Variants in ADCY9 observed in about 807,000 individuals in gnomAD.
ADCY9 encodes adenylate cyclase type 9.
Under a neutral mutation model 101.5 loss-of-function variants are expected in ADCY9, and 50 were observed. The observed-to-expected ratio is 0.49, with a 90% confidence interval of 0.39 to 0.62. The LOEUF is 0.62. Ranked by LOEUF, ADCY9 falls within the 20% of genes least tolerant of loss-of-function variation. ADCY9 has a pLI of 0.00. For synonymous variants in ADCY9, 905 were observed against 769.3 expected (o/e 1.18, Z -2.92); for missense variants, 1,662 against 1,800.4 (o/e 0.92, Z 1.39).
chr16:4,018,090 C>A (rs1200032021), intron 2 of ADCY9, among the ~76,000 whole-genome samples: 1 of 152,226 alleles, frequency 6.6e-6, no homozygotes, highest in African/African-American at 2.4e-5. Flanking sequence ...GGTGGTTATA[C>A]CTGCACTGAC....
In ADCY9 at chr16:3,977,936, C is replaced by T. The variant is rs201832668; in HGVS notation, c.2680-306G>A. Among the ~76,000 whole-genome samples the T allele has an allele frequency of 1.8e-4, 27 of 152,214 alleles. No homozygotes were observed. The East Asian group carries it at 2.7e-3, about 15-fold the overall frequency. On this transcript the variant is annotated intron_variant, in intron 8 of 10. Transcript: ENST00000294016. Reference sequence around the variant, plus strand: ...TTCACCATGTTGGCCAGGCTGGTCTCGAACTCCTGACCTCAGGTGATCCAC... The same window carrying T: ...TTCACCATGTTGGCCAGGCTGGTCTTGAACTCCTGACCTCAGGTGATCCAC...
intron 2 of ADCY9, among the ~76,000 whole-genome samples, chr16:4,103,483 G>C (rs2057056962): frequency 6.6e-6 from 1 of 152,210 alleles, no homozygotes; most frequent in Admixed American, 6.5e-5. Context: ...CCCTCAGCTT[G>C]TCCTTCACTA....
chr16:3,983,864 G>C, intron 6 of ADCY9: 1 of 174,872 alleles, frequency 5.7e-6, no homozygotes, highest in Non-Finnish European at 1.2e-5. Flanking sequence ...GTTTCAGGCC[G>C]CAGTGAGCTA....
At chr16:4,097,839 A>T (rs1485290281) in intron 2 of ADCY9, among the ~76,000 whole-genome samples, 1 of 151,334 alleles carries the variant, frequency 6.6e-6, no homozygotes, top group Non-Finnish European at 1.5e-5. Flanking sequence ...GAGCCACCAT[A>T]CCAGGCTTAT....
rs2057131681 is a variant in ADCY9, at chr16:4,114,140, A to C, written c.1303T>G (p.Cys435Gly). ...TCTCCCAGGGTGCTGATTTTCTCACACTTGGTCTCCTCACACAGGCGGTCG... is the reference window on the plus strand; with the variant it reads ...TCTCCCAGGGTGCTGATTTTCTCACCCTTGGTCTCCTCACACAGGCGGTCG... The part of the protein sequence containing the change: ...RFDRLCEETK[C>G]EKISTLGDCY... The change falls in exon 2 of 11, where the codon TGT (cysteine) becomes GGT (glycine). Residue 435 changes from cysteine to glycine, a missense_variant. Physicochemically the swap from Cys to Gly is radical, Grantham distance 159 (BLOSUM62 -3). Coordinates refer to ENST00000294016, the MANE Select transcript of ADCY9 (RefSeq NM_001116.4). The surrounding 1 kb of genome is among the most constrained non-coding windows in gnomAD (Gnocchi z 4.3). 1 of 1,613,682 alleles carries C rather than the reference A, an allele frequency of 6.2e-7. No individual in the cohort carries two copies. Among genetic ancestry groups the C allele is most frequent in the South Asian group, 1.1e-5 (1 of 91,090 alleles).
intron 3 of ADCY9, among the ~76,000 whole-genome samples, chr16:3,998,010 C>T (rs113793753): frequency 3.3e-5 from 5 of 152,320 alleles, no homozygotes; most frequent in African/African-American, 9.6e-5. Flanking sequence ...AGGAGAGTCG[C>T]TTGGACCCGG....
In ADCY9 at chr16:4,007,352, A is replaced by C. The variant is rs1255644046; in HGVS notation, c.1884+16T>G. ...GAAAGTTTTAGAAGTAGGAAAAAAA[A>C]AACAAAAAAACTAACCTTAAGGTTA... On this transcript the variant is annotated intron_variant, in intron 3 of 10. Transcript: ENST00000294016. 1 of 1,518,784 alleles carries C rather than the reference A, an allele frequency of 6.6e-7. No individual in the cohort carries two copies. Among genetic ancestry groups the C allele is most frequent in the African/African-American group, 1.4e-5 (1 of 71,244 alleles). 94.1% of individuals were successfully genotyped at this position (1,518,784 alleles called of 1,614,324 possible).
chr16:4,051,363 A>G (rs1205094836), intron 2 of ADCY9, among the ~76,000 whole-genome samples: 2 of 151,948 alleles, frequency 1.3e-5, no homozygotes, highest in Admixed American at 1.3e-4. Flanking sequence ...GTCTCTACTA[A>G]AAATACAAAA....
chr16:4,011,327 G>A (rs2056402999), intron 2 of ADCY9, among the ~76,000 whole-genome samples: 1 of 152,174 alleles, frequency 6.6e-6, no homozygotes, highest in Non-Finnish European at 1.5e-5. Context: ...CCTGTGCAGG[G>A]CACTGTGTGG....
chr16:4,055,833 C>CA lies in ADCY9; in HGVS notation c.1694-48276dup, dbSNP rs796893971. 3.3e-3 allele frequency among the ~76,000 whole-genome samples: 438 copies of CA among 132,476 alleles called. 1 individual carries two copies. The highest frequency in any genetic ancestry group is 9.2e-3 in the African/African-American group (329 of 35,944). The allele number at this position is 132,476 out of a possible 152,430, so 86.9% of individuals were successfully genotyped here. ...TGGGCGACAGAGCGAGGATCCGTTT[C>CA]AAAAAAAAAAAAAGATACCTTTTGG... On this transcript the variant is annotated intron_variant, in intron 2 of 10. Coordinates refer to ENST00000294016, the MANE Select transcript of ADCY9 (RefSeq NM_001116.4).
At chr16:4,057,464 A>T (rs903914214) in intron 2 of ADCY9, among the ~76,000 whole-genome samples, 8 of 152,074 alleles carry the variant, frequency 5.3e-5, no homozygotes, top group African/African-American at 1.2e-4. Flanking sequence ...CTGCAGTGAC[A>T]CCATCATCCT....
chr16:3,966,860 C>G lies in ADCY9; in HGVS notation c.2977G>C (p.Val993Leu). ...VLVFFLLLLL[V>L]WFLNREFEVS... is the part of the protein sequence containing the mutation. Reference sequence around the variant, plus strand: ...TCAAATTCGCGATTCAGGAACCAGACCAACAAGAGCAGGAGAAAGAAGACG... The same window carrying G: ...TCAAATTCGCGATTCAGGAACCAGAGCAACAAGAGCAGGAGAAAGAAGACG... Residue 993 changes from valine (V) to leucine (L), a missense_variant, in exon 11 of 11, where the codon GTC (valine) becomes CTC (leucine). Physicochemically the swap from Val to Leu is conservative, Grantham distance 32. Coordinates refer to ENST00000294016, the MANE Select transcript of ADCY9 (RefSeq NM_001116.4). The G allele has an allele frequency of 6.2e-7, 1 of 1,614,208 alleles. No homozygotes were observed. Among genetic ancestry groups the G allele is most frequent in the Non-Finnish European group, 8.5e-7 (1 of 1,180,050 alleles).
chr16:4,027,198 G>C (rs923197885), intron 2 of ADCY9, among the ~76,000 whole-genome samples: 1 of 152,212 alleles, frequency 6.6e-6, no homozygotes, highest in Non-Finnish European at 1.5e-5. Context: ...GCTCCTGCTC[G>C]AGCCTGCTCC....
chr16:3,972,689 C>A (rs540541221), intron 10 of ADCY9, among the ~76,000 whole-genome samples: 3 of 152,276 alleles, frequency 2.0e-5, no homozygotes, highest in African/African-American at 7.2e-5. Flanking sequence ...CCTAACCAGC[C>A]AAACGTGGCT....
At position 4,114,064 on chromosome 16, in the gene ADCY9, T is replaced by C. The variant is rs1243169687; in HGVS notation, c.1379A>G (p.Tyr460Cys). 1.9e-6 allele frequency: 3 copies of C among 1,613,844 alleles called. No homozygotes were observed. Among genetic ancestry groups the C allele is most frequent in the South Asian group, 1.1e-5 (1 of 91,082 alleles). Reference protein sequence around the residue: ...GCPEPRADHAYCCIEMGLGMI... With the variant: ...GCPEPRADHACCCIEMGLGMI... ...GCCCAGGCCCATCTCGATGCAGCAGTAGGCATGGTCGGCCCGGGGCTCGGG... is the reference window on the plus strand; with the variant it reads ...GCCCAGGCCCATCTCGATGCAGCAGCAGGCATGGTCGGCCCGGGGCTCGGG... Residue 460 changes from tyrosine (Y) to cysteine (C), a missense_variant, in exon 2 of 11, where the codon TAC becomes TGC. Around this residue, in one of 5 missense-constraint regions of ADCY9, gnomAD observed 228 missense variants for 301.1 expected, o/e 0.76. Transcript: ENST00000294016. This position sits in a 1 kb window ranked among gnomAD's most constrained non-coding sequence, Gnocchi z 4.3.
chr16:4,057,053 G>T (rs1383716862), intron 2 of ADCY9, among the ~76,000 whole-genome samples: 1 of 61,146 alleles, frequency 1.6e-5, no homozygotes, highest in South Asian at 4.7e-4. Flanking sequence ...CCCCCCCCCC[G>T]CCAATCTTAC....
chr16:4,021,377 A>T (rs1198459305), intron 2 of ADCY9, among the ~76,000 whole-genome samples: 1 of 152,190 alleles, frequency 6.6e-6, no homozygotes. Context: ...CCTCAGGCAA[A>T]TTCATGAACC....
chr16:4,032,511 A>T (rs1381548627), intron 2 of ADCY9, among the ~76,000 whole-genome samples: 1 of 140,564 alleles, frequency 7.1e-6, no homozygotes, highest in Non-Finnish European at 1.5e-5. Context: ...ATATCACACA[A>T]TTTTTTTTTT....
chr16:3,996,521 G>C (rs2056288071), intron 3 of ADCY9, among the ~76,000 whole-genome samples: 1 of 151,728 alleles, frequency 6.6e-6, no homozygotes. Context: ...TGGCTAAGGT[G>C]GGGGGCTTGG....
Sources: gnomAD v4.1 joint callset for allele counts (sites outside exome capture counted in the v4.1 genomes callset) on GRCh38, gnomAD v4.1.1 for gene constraint, gnomAD v4.1.1 regional missense constraint, Gnocchi (gnomAD v3.1) non-coding constraint, MANE v1.5 for transcripts, NCBI Gene and HGNC (gene_info 2026-07-23, HGNC 2026-07-21) for gene names.